Variants in SH3BP1 observed in about 807,000 individuals in gnomAD.
The protein encoded by SH3BP1 is SH3 domain binding protein 1.
A neutral mutation model predicts 69.8 loss-of-function variants in SH3BP1; 46 were observed. The ratio of observed to expected loss-of-function variants is 0.66; its 90% CI spans 0.52 to 0.84. The LOEUF (loss-of-function observed/expected upper bound fraction) is 0.84, where lower values mean the gene tolerates loss of function less well. SH3BP1 is among the 40% of genes least tolerant of loss of function. The pLI, the probability that SH3BP1 is intolerant of heterozygous loss-of-function variation, is 0.00. For synonymous variants in SH3BP1, 403 were observed against 378.0 expected (o/e 1.07, Z -0.77); for missense variants, 868 against 930.9 (o/e 0.93, Z 0.88).
At chr22:37,650,880 C>T (rs1003691251) in intron 16 of SH3BP1, 155 bp downstream of exon 16, 13 of 1,000,192 alleles carry the variant, frequency 1.3e-5, no homozygotes, top group South Asian at 3.5e-5. Context: ...GAGGGTGGGG[C>T]AGAGACTCAG....
chr22:37,651,949 A>G (rs1160345109), intron 16 of SH3BP1, among the ~76,000 whole-genome samples: 3 of 152,100 alleles, frequency 2.0e-5, no homozygotes, highest in African/African-American at 7.2e-5. Flanking sequence ...GACCAAGCAG[A>G]GACCCGAAGG....
chr22:37,651,567 C>T (rs926505506), intron 16 of SH3BP1, among the ~76,000 whole-genome samples: 2 of 152,004 alleles, frequency 1.3e-5, no homozygotes, highest in South Asian at 2.1e-4. Flanking sequence ...TGGCCTCAAG[C>T]GATCCGCCTG....
At chr22:37,645,826 A>G (rs1287934980) in intron 10 of SH3BP1, among the ~76,000 whole-genome samples, 2 of 152,260 alleles carry the variant, frequency 1.3e-5, no homozygotes, top group East Asian at 3.9e-4. Context: ...CTCCACTGCC[A>G]CACACTGGCT....
intron 11 of SH3BP1, 91 bp from the exon 12 acceptor site, chr22:37,647,173 CGTT>C: frequency 9.0e-7 from 1 of 1,109,718 alleles, no homozygotes; most frequent in Non-Finnish European, 1.4e-6. Context: ...GACCTAGACA[CGTT>C]AGTGTGAACA....
chr22:37,641,102 C>T, intron 1 of SH3BP1, 24 bp from the exon 2 acceptor site: 5 of 1,227,156 alleles, frequency 4.1e-6, no homozygotes, highest in Non-Finnish European at 5.7e-6. Context: ...GCACTCTCCC[C>T]CCCCCCCCCA....
chr22:37,650,508 C>G lies in SH3BP1; in HGVS notation c.1415-34C>G. 3.8e-6 allele frequency: 6 copies of G among 1,584,650 alleles called. No homozygotes were observed. In the South Asian group the frequency reaches 6.9e-5, roughly 18 times the overall value. ...AGTGGAGTGAGGAGCCTGGCGCGGTCTCTGAGAGCCGTCTCCGCTCCTTCT... is the reference window on the plus strand; with the variant it reads ...AGTGGAGTGAGGAGCCTGGCGCGGTGTCTGAGAGCCGTCTCCGCTCCTTCT... On this transcript the variant is annotated intron_variant, in intron 15 of 17. Transcript: ENST00000649765.
chr22:37,644,556 C>A (rs1012219971), intron 7 of SH3BP1, 81 bp from the exon 8 acceptor site: 2 of 1,397,654 alleles, frequency 1.4e-6, no homozygotes, highest in African/African-American at 2.8e-5. Context: ...TGGGGGAGGT[C>A]ACCAACCCTT....
Position 37,655,717 on chromosome 22 carries a change from C to A in SH3BP1, c.*33C>A, listed in dbSNP as rs1367070548. The stretch of plus-strand genomic sequence containing the variant: ...GTTTCTCCCTAAGCAGCCCTCAGCA[C>A]CCCCTCCCTCCCCACCTGGCCCTCC... On this transcript the variant is annotated 3_prime_UTR_variant, in exon 18 of 18. Coordinates refer to ENST00000649765, the MANE Select transcript of SH3BP1 (RefSeq NM_018957.6). The A allele has an allele frequency of 6.9e-7, 1 of 1,449,232 alleles. No individual in the cohort carries two copies. Among genetic ancestry groups the A allele is most frequent in the Non-Finnish European group, 9.1e-7 (1 of 1,100,068 alleles). The allele number at this position is 1,449,232 out of a possible 1,614,324, so 89.8% of individuals were successfully genotyped here.
chr22:37,644,813 C>A, intron 8 of SH3BP1, 57 bp from the exon 9 acceptor site: 4 of 1,605,698 alleles, frequency 2.5e-6, no homozygotes, highest in Non-Finnish European at 2.6e-6. Context: ...TCTCAAGGAC[C>A]CTATAGAAGG....
At chr22:37,652,390 C>T (rs1018804992) in intron 16 of SH3BP1, among the ~76,000 whole-genome samples, 1 of 151,400 alleles carries the variant, frequency 6.6e-6, no homozygotes, top group Non-Finnish European at 1.5e-5. Flanking sequence ...TAAATGAGGT[C>T]GGTGTGGTGG....
Position 37,647,266 on chromosome 22 carries a change from G to C in SH3BP1, c.1037-1G>C, listed in dbSNP as rs1219803457. On this transcript the variant is annotated splice_acceptor_variant, in intron 11 of 17. Coordinates refer to ENST00000649765, the MANE Select transcript of SH3BP1 (RefSeq NM_018957.6). LOFTEE classifies it high-confidence loss of function. ...TGACCCTCCCCACACCCCTCCTTCA[G>C]GTGCCCTCAAGTCCTATCTGCGGGA... The C allele has an allele frequency of 7.4e-6, 12 of 1,613,938 alleles. No individual in the cohort carries two copies. Among genetic ancestry groups the C allele is most frequent in the Non-Finnish European group, 1.0e-5 (12 of 1,179,896 alleles).
At chr22:37,654,931 G>A (rs1040765313) in intron 17 of SH3BP1, among the ~76,000 whole-genome samples, 1 of 152,154 alleles carries the variant, frequency 6.6e-6, no homozygotes, top group Admixed American at 6.5e-5. Context: ...ACAACACAGC[G>A]AGACCCTGTC....
chr22:37,653,337 G>A (rs1932922487), intron 16 of SH3BP1, among the ~76,000 whole-genome samples: 1 of 151,978 alleles, frequency 6.6e-6, no homozygotes, highest in Non-Finnish European at 1.5e-5. Context: ...TCCAGAGGCT[G>A]AGGCAGGATA....
At chr22:37,642,714 G>A (rs1932645947) in intron 4 of SH3BP1, 99 bp downstream of exon 4, 1 of 1,607,394 alleles carries the variant, frequency 6.2e-7, no homozygotes, top group African/African-American at 1.3e-5. Flanking sequence ...TCAGAAGAAT[G>A]ACCAGGCTGG....
chr22:37,650,646 C>T lies in SH3BP1; in HGVS notation c.1519C>T (p.Pro507Ser), dbSNP rs764259923. ...EELPSTAVPT[P>S]ATTPAPAPAP... ...ACTTCCGTCCACTGCCGTGCCCACC[C>T]CAGCCACCACCCCGGCTCCGGCTCC... The change falls in exon 16 of 18, where the codon CCA (proline) becomes TCA (serine). Residue 507 changes from proline to serine, a missense_variant. Transcript: ENST00000649765. 8 of 1,614,042 alleles carry T rather than the reference C, an allele frequency of 5.0e-6. No homozygotes were observed. The highest frequency in any genetic ancestry group is 6.8e-6 in the Non-Finnish European group (8 of 1,180,018).
intron 7 of SH3BP1, 115 bp downstream of exon 7, chr22:37,643,903 G>A (rs1379566174): frequency 1.1e-5 from 14 of 1,220,086 alleles, no homozygotes; most frequent in East Asian, 4.9e-5. Context: ...CTAAGGCCAC[G>A]TGGCTAGGAG....
intron 6 of SH3BP1, 140 bp from the exon 7 acceptor site, chr22:37,643,504 G>C: frequency 7.2e-6 from 9 of 1,245,328 alleles, no homozygotes; most frequent in Non-Finnish European, 1.0e-5. Context: ...GCCCAGCCTG[G>C]GCAGAGGCCC....
intron 7 of SH3BP1, among the ~76,000 whole-genome samples, chr22:37,644,106 G>A (rs546886230): frequency 3.3e-5 from 5 of 152,346 alleles, no homozygotes; most frequent in South Asian, 2.1e-4. Flanking sequence ...AAGGCCAGGC[G>A]CGGTGGCTTA....
Position 37,639,717 on chromosome 22 carries a change from C to A in SH3BP1, c.-71C>A. The A allele has an allele frequency of 1.0e-6, 1 of 978,230 alleles. No homozygotes were observed. The highest frequency in any genetic ancestry group is 1.5e-6 in the Non-Finnish European group (1 of 689,208). 60.6% of individuals were successfully genotyped at this position (978,230 alleles called of 1,614,324 possible). A position where few individuals can be genotyped will look rare whatever the true frequency, so the allele number is the denominator to read the frequency against. ...GGCAAGAGCCGCGCCGCAGGAGAGG[C>A]AGGCTGGACCGGGGGCTCCCCGGGC... On this transcript the variant is annotated 5_prime_UTR_variant, in exon 1 of 18. Transcript: ENST00000649765.
Sources: allele counts gnomAD v4.1 joint callset (sites outside exome capture counted in the v4.1 genomes callset), GRCh38; gene constraint gnomAD v4.1.1; transcripts MANE v1.5; gene names NCBI Gene and HGNC (gene_info 2026-07-23, HGNC 2026-07-21).